PTPRD: variants seen among roughly 807,000 people sequenced by gnomAD.
PTPRD encodes receptor-type tyrosine-protein phosphatase delta.
A neutral mutation model predicts 214.5 loss-of-function variants in PTPRD; 34 were observed. The observed-to-expected ratio is 0.16, with a 90% CI of 0.12 to 0.21. PTPRD has a LOEUF of 0.21. Ranked by LOEUF, PTPRD falls within the 10% of genes least tolerant of loss-of-function variation. The pLI is 1.00. For missense variants in PTPRD, 2,545 were observed against 2,398.7 expected, an observed-to-expected ratio of 1.06 and a Z score of -1.27; for synonymous variants, 1,128 against 845.7, an observed-to-expected ratio of 1.33 and a Z score of -5.79.
intron 11 of PTPRD, among the ~76,000 whole-genome samples, chr9:8,949,148 C>A (rs1380989635): frequency 1.3e-5 from 2 of 149,332 alleles, no homozygotes; most frequent in African/African-American, 4.9e-5. Context: ...CGCTTGAACC[C>A]GGGAGGTGGA....
rs1387841860 is a variant in PTPRD, at chr9:10,085,048, T to A, written c.-544-51258A>T. On this transcript the variant is annotated intron_variant, in intron 3 of 45. Transcript: ENST00000381196. ...TAAAGTAAAGGATGTCCTCTGGGTG[T>A]GTAGTATGGTGGGCTGGTACATGAA... Among the ~76,000 whole-genome samples, 9 of 151,998 alleles carry A rather than the reference T, an allele frequency of 5.9e-5. No homozygotes were observed. The East Asian group carries it at 1.7e-3, about 30-fold the overall frequency.
chr9:8,570,081 T>C (rs1318887044), intron 14 of PTPRD, among the ~76,000 whole-genome samples: 2 of 152,154 alleles, frequency 1.3e-5, no homozygotes, highest in African/African-American at 2.4e-5. Context: ...ACAGCAAGAA[T>C]GACTGTTCCT....
At chr9:9,534,907 G>A (rs1488912802) in intron 8 of PTPRD, among the ~76,000 whole-genome samples, 4 of 151,866 alleles carry the variant, frequency 2.6e-5, no homozygotes, top group African/African-American at 4.8e-5. Context: ...TATTCAGTGC[G>A]TATCTGCTGT....
At chr9:9,196,149 A>G (rs914681587) in intron 9 of PTPRD, among the ~76,000 whole-genome samples, 4 of 152,168 alleles carry the variant, frequency 2.6e-5, no homozygotes, top group Non-Finnish European at 1.5e-5. Flanking sequence ...TTATCTGCCC[A>G]TAAGAATAAA....
rs201080001 is a variant in PTPRD, at chr9:8,733,884, A to T, written c.-41T>A. ...CAGCGTGCGCGAGCAGCTTGGAATC[A>T]CTGCCTCCGGAGCCGCAGCGAGTCT... On this transcript the variant is annotated 5_prime_UTR_variant, in exon 12 of 46. Transcript: ENST00000381196. The T allele has an allele frequency of 4.3e-5, 67 of 1,544,368 alleles. No homozygotes were observed. The East Asian group carries it at 1.3e-3, about 31-fold the overall frequency.
chr9:8,431,409 G>A (rs1050202986), intron 35 of PTPRD, among the ~76,000 whole-genome samples: 1 of 152,050 alleles, frequency 6.6e-6, no homozygotes, highest in South Asian at 2.1e-4. Flanking sequence ...TTAGATGATA[G>A]TTCTTAATGT....
At chr9:9,339,930 A>G (rs773746343) in intron 9 of PTPRD, among the ~76,000 whole-genome samples, 3 of 152,156 alleles carry the variant, frequency 2.0e-5, no homozygotes, top group African/African-American at 4.8e-5. Flanking sequence ...TCTTTTTTAC[A>G]TGCTAATCTA....
intron 11 of PTPRD, chr9:8,860,271 T>C (rs541576627): frequency 1.1e-4 from 16 of 152,314 alleles, no homozygotes; most frequent in African/African-American, 3.6e-4. Flanking sequence ...TCTGGGAACA[T>C]AGTTGAGGAT....
chr9:8,807,834 T>G (rs1010339551), intron 11 of PTPRD, among the ~76,000 whole-genome samples: 36 of 152,250 alleles, frequency 2.4e-4, no homozygotes, highest in African/African-American at 7.9e-4. Flanking sequence ...GAACCTTTAA[T>G]AAAATATACA....
intron 5 of PTPRD, among the ~76,000 whole-genome samples, chr9:9,906,346 C>T (rs1214082253): frequency 6.6e-6 from 1 of 151,772 alleles, no homozygotes; most frequent in Admixed American, 6.6e-5. Flanking sequence ...GTAATTCCAA[C>T]TTCACTCTAT....
At chr9:9,659,331 T>A (rs2154378739) in intron 7 of PTPRD, among the ~76,000 whole-genome samples, 1 of 152,228 alleles carries the variant, frequency 6.6e-6, no homozygotes, top group Non-Finnish European at 1.5e-5. Context: ...TATCTGAATA[T>A]TTGAGAGAGA....
At position 9,054,385 on chromosome 9, in the gene PTPRD, T is replaced by C. The variant is rs143456065; in HGVS notation, c.-142-35650A>G. Among the ~76,000 whole-genome samples the C allele has an allele frequency of 3.8e-3, 575 of 152,330 alleles. 2 individuals are homozygous for C. The highest frequency in any genetic ancestry group is 0.013 in the African/African-American group (553 of 41,566). ...CTTCTCTGGAAAGCTTAAAATTTTT[T>C]GGTATTATTCAGTGAGTGCTTCTTC... On this transcript the variant is annotated intron_variant, in intron 10 of 45. Transcript: ENST00000381196.
At chr9:8,345,141 G>GAAATAAGAAATA (rs1856367614) in intron 39 of PTPRD, among the ~76,000 whole-genome samples, 1 of 151,950 alleles carries the variant, frequency 6.6e-6, no homozygotes, top group Non-Finnish European at 1.5e-5. Context: ...TACCTGAGGA[G>GAAATAAGAAATA]CTTTCTGCGT....
chr9:8,859,477 G>A (rs2098049397), intron 11 of PTPRD, among the ~76,000 whole-genome samples: 1 of 152,176 alleles, frequency 6.6e-6, no homozygotes, highest in Admixed American at 6.5e-5. Context: ...TGGTCAGAAA[G>A]GTTAAATAAA....
At chr9:10,220,879 T>C (rs1378868130) in intron 3 of PTPRD, among the ~76,000 whole-genome samples, 4 of 150,334 alleles carry the variant, frequency 2.7e-5, no homozygotes, top group Admixed American at 1.3e-4. Flanking sequence ...GCTTGGGAAA[T>C]AGAAGAGAAG....
chr9:8,712,964 C>T lies in PTPRD; in HGVS notation c.64+20816G>A, dbSNP rs189737128. ...AAACTCCTGACCTCAGGTGATCCCC[C>T]TGCCTCGGCCTCCCAAAGTGCTGGG... On this transcript the variant is annotated intron_variant, in intron 12 of 45. Transcript: ENST00000381196. 2.5e-3 allele frequency among the ~76,000 whole-genome samples: 375 copies of T among 152,302 alleles called. 2 individuals are homozygous for T. Among genetic ancestry groups the T allele is most frequent in the African/African-American group, 6.6e-3 (274 of 41,586 alleles).
intron 2 of PTPRD, among the ~76,000 whole-genome samples, chr9:10,501,732 A>G (rs1375653627): frequency 6.6e-6 from 1 of 152,062 alleles, no homozygotes. Context: ...GGTAGGATAT[A>G]TTAATAGAGT....
At chr9:9,195,675 A>G (rs1443744514) in intron 9 of PTPRD, among the ~76,000 whole-genome samples, 1 of 151,820 alleles carries the variant, frequency 6.6e-6, no homozygotes, top group East Asian at 1.9e-4. Flanking sequence ...GCTTTCAGCT[A>G]GACCCTAGCA....
intron 8 of PTPRD, among the ~76,000 whole-genome samples, chr9:9,450,572 C>T (rs1275109962): frequency 6.6e-6 from 1 of 151,790 alleles, no homozygotes; most frequent in Non-Finnish European, 1.5e-5. Flanking sequence ...ATAAGAAAGA[C>T]ATATGTAAAT....
Sources: gnomAD v4.1 joint callset for allele counts (sites outside exome capture counted in the v4.1 genomes callset) on GRCh38, gnomAD v4.1.1 for gene constraint, MANE v1.5 for transcripts, NCBI Gene and HGNC (gene_info 2026-07-23, HGNC 2026-07-21) for gene names.